SUSD4: variants seen among roughly 807,000 people sequenced by gnomAD.
SUSD4 encodes the protein sushi domain-containing protein 4.
SUSD4 carries 41 observed loss-of-function variants against 50.5 expected under a neutral mutation model. The ratio of observed to expected loss-of-function variants is 0.81; its 90% CI spans 0.63 to 1.05. The LOEUF is 1.05. Among genes scored for constraint, SUSD4 ranks in the 50% least tolerant of loss-of-function variants. The pLI is 0.00. For missense variants in SUSD4, 580 were observed against 634.7 expected (o/e 0.91, Z 0.93); for synonymous variants, 257 against 257.3 (o/e 1.00, Z 0.01).
chr1:223,346,735 T>C (rs1668055183), intron 2 of SUSD4, among the ~76,000 whole-genome samples: 1 of 152,240 alleles, frequency 6.6e-6, no homozygotes, highest in Non-Finnish European at 1.5e-5. Context: ...ACTTCATTTA[T>C]GTAAAGCACT....
chr1:223,304,341 T>A (rs1004565057), intron 2 of SUSD4, among the ~76,000 whole-genome samples: 17 of 152,160 alleles, frequency 1.1e-4, no homozygotes, highest in Non-Finnish European at 2.4e-4. Flanking sequence ...CTGCATGCAA[T>A]TTTGTATTTA....
chr1:223,335,194 A>AT (rs112039576), intron 2 of SUSD4, among the ~76,000 whole-genome samples: 88 of 152,076 alleles, frequency 5.8e-4, no homozygotes, highest in African/African-American at 2.0e-3. Context: ...GTATGCAAGT[A>AT]TTTTTTTTCA....
chr1:223,275,852 G>A (rs889256478), intron 3 of SUSD4, among the ~76,000 whole-genome samples: 1 of 152,216 alleles, frequency 6.6e-6, no homozygotes, highest in African/African-American at 2.4e-5. Context: ...ACAAGCGCTG[G>A]CCCATCTCTT....
Position 223,327,355 on chromosome 1 carries a change from A to G in SUSD4, c.149-34704T>C, listed in dbSNP as rs905943123. Among the ~76,000 whole-genome samples the G allele has an allele frequency of 4.6e-5, 7 of 152,340 alleles. 2 individuals carry two copies. Among genetic ancestry groups the G allele is most frequent in the Admixed American group, 4.6e-4 (7 of 15,304 alleles). On this transcript the variant is annotated intron_variant, in intron 2 of 8. Coordinates refer to ENST00000366878, the MANE Select transcript of SUSD4 (RefSeq NM_017982.4). Reference sequence around the variant, plus strand: ...TGGGAGGAGACTGGGAGTAGGGAATAGGGATAAAAAACTACATATTAGGTA... The same window carrying G: ...TGGGAGGAGACTGGGAGTAGGGAATGGGGATAAAAAACTACATATTAGGTA...
At chr1:223,306,790 T>G (rs1372358595) in intron 2 of SUSD4, among the ~76,000 whole-genome samples, 3 of 150,764 alleles carry the variant, frequency 2.0e-5, no homozygotes. Flanking sequence ...ACCAGATAAT[T>G]TTTTAACTGA....
intron 2 of SUSD4, among the ~76,000 whole-genome samples, chr1:223,350,454 C>T (rs1390389107): frequency 6.6e-6 from 1 of 152,204 alleles, no homozygotes; most frequent in Non-Finnish European, 1.5e-5. Flanking sequence ...AAACTCAATA[C>T]TCCAGGTGCT....
intron 2 of SUSD4, among the ~76,000 whole-genome samples, chr1:223,311,940 A>C (rs557474034): frequency 2.0e-5 from 3 of 152,192 alleles, no homozygotes; most frequent in Non-Finnish European, 2.9e-5. Context: ...ATTTGCTCTA[A>C]ACTCAATTCA....
chr1:223,268,780 C>A, intron 3 of SUSD4, 105 bp from the exon 4 acceptor site: 1 of 1,161,234 alleles, frequency 8.6e-7, no homozygotes, highest in Non-Finnish European at 1.2e-6. Context: ...TCAACCTACA[C>A]AGCAATCTGA....
rs566641643 is a variant in SUSD4 at position 223,347,902 on chromosome 1, T to C, written c.148+15376A>G. ...GAGAAGCCCCATCTGAGAGAACATA[T>C]TGGGGTCCCTGTCCCAGCTCTGCCA... On this transcript the variant is annotated intron_variant, in intron 2 of 8. Transcript: ENST00000366878. Among the ~76,000 whole-genome samples the C allele has an allele frequency of 2.0e-5, 3 of 152,090 alleles. No individual in the cohort carries two copies. The South Asian group carries it at 6.2e-4, about 32-fold the overall frequency.
In SUSD4 at chr1:223,292,616, T is replaced by G; in HGVS notation, c.184A>C (p.Ile62Leu). The change falls in exon 3 of 9, where the codon ATT (isoleucine) becomes CTT (leucine). Residue 62 changes from isoleucine (I) to leucine (L), a missense_variant. Physicochemically the swap from Ile to Leu is conservative, Grantham distance 5. Transcript: ENST00000366878. The stretch of plus-strand genomic sequence containing the variant: ...GGGGTCCTGAAGCCATTCTCGGGAA[T>G]GCCGGGGTCAGCACACACTTGAAGG... ...DDLQVCADPG[I>L]PENGFRTPSG... 6.2e-7 allele frequency: 1 copy of G among 1,614,168 alleles called. No homozygotes were observed. The highest frequency in any genetic ancestry group is 8.5e-7 in the Non-Finnish European group (1 of 1,180,022).
At chr1:223,263,914 C>G in intron 5 of SUSD4, 1 of 985,404 alleles carries the variant, frequency 1.0e-6, no homozygotes, top group Non-Finnish European at 1.2e-6. Flanking sequence ...CCCCTCCTAC[C>G]CACTATACTC....
chr1:223,271,792 AG>A (rs1662939492), intron 3 of SUSD4, among the ~76,000 whole-genome samples: 1 of 152,252 alleles, frequency 6.6e-6, no homozygotes, highest in Admixed American at 6.5e-5. Flanking sequence ...TCTCTGTAGT[AG>A]TGAAAAACCA....
chr1:223,348,825 G>C (rs1668188888), intron 2 of SUSD4, among the ~76,000 whole-genome samples: 2 of 151,950 alleles, frequency 1.3e-5, no homozygotes, highest in Admixed American at 1.3e-4. Context: ...AAGCTTTCTG[G>C]GTTAATGAAC....
At chr1:223,335,226 G>T (rs61838234) in intron 2 of SUSD4, among the ~76,000 whole-genome samples, 50,477 of 151,866 alleles carry the variant, frequency 0.33, 8,472 homozygotes, top group African/African-American at 0.4. Flanking sequence ...CTTTTCCTCT[G>T]GGTAGATACC....
chr1:223,358,457 G>A (rs192465129), intron 2 of SUSD4, among the ~76,000 whole-genome samples: 22 of 152,338 alleles, frequency 1.4e-4, no homozygotes, highest in Admixed American at 1.4e-3. Flanking sequence ...AAAGAATGCA[G>A]AGCACTTGTT....
intron 2 of SUSD4, among the ~76,000 whole-genome samples, chr1:223,306,207 A>G (rs910212357): frequency 1.3e-5 from 2 of 152,180 alleles, no homozygotes; most frequent in African/African-American, 4.8e-5. Flanking sequence ...TTCAGCTCCA[A>G]TAAAACTGAT....
intron 3 of SUSD4, among the ~76,000 whole-genome samples, chr1:223,291,013 C>T (rs1182070136): frequency 6.6e-6 from 1 of 152,024 alleles, no homozygotes; most frequent in African/African-American, 2.4e-5. Flanking sequence ...CCACAGCTTG[C>T]ATAGGCTGCA....
chr1:223,319,102 T>C (rs1244749978), intron 2 of SUSD4, among the ~76,000 whole-genome samples: 2 of 46,682 alleles, frequency 4.3e-5, no homozygotes, highest in South Asian at 7.4e-4. Flanking sequence ...GCTAGCCATA[T>C]GTAGAAAGCT....
intron 5 of SUSD4, among the ~76,000 whole-genome samples, chr1:223,244,974 G>A (rs1660823419): frequency 6.6e-6 from 1 of 152,048 alleles, no homozygotes; most frequent in Non-Finnish European, 1.5e-5. Context: ...CCCCTAAATA[G>A]ATGACTTTTA....
Sources: gnomAD v4.1 joint callset for allele counts (sites outside exome capture counted in the v4.1 genomes callset) on GRCh38, gnomAD v4.1.1 for gene constraint, MANE v1.5 for transcripts, NCBI Gene and HGNC (gene_info 2026-07-23, HGNC 2026-07-21) for gene names.